Variants in TNRC6A observed in about 807,000 individuals in gnomAD.
TNRC6A encodes the protein trinucleotide repeat containing adaptor 6A.
In TNRC6A, 44 loss-of-function variants were observed where a neutral mutation model predicts 221.2. The observed-to-expected ratio is 0.20, with a 90% CI of 0.16 to 0.26. The LOEUF is 0.26. TNRC6A is among the 10% of genes least tolerant of loss of function. The probability of loss-of-function intolerance (pLI) is 1.00; values close to 1 mark genes in which losing one functional copy is unlikely to be tolerated. For synonymous variants in TNRC6A, 847 were observed against 838.5 expected (o/e 1.01, Z -0.18); for missense variants, 2,199 against 2,404.4 (o/e 0.91, Z 1.79).
chr16:24,778,549 A>G (rs2057774349), intron 5 of TNRC6A: 1 of 953,548 alleles, frequency 1.0e-6, no homozygotes, highest in Non-Finnish European at 1.2e-6. Context: ...TTTACTTGCT[A>G]ATTTCCCAGC....
At chr16:24,686,378 C>G (rs1263539964) in intron 2 of TNRC6A, among the ~76,000 whole-genome samples, 2 of 152,128 alleles carry the variant, frequency 1.3e-5, no homozygotes, top group East Asian at 3.9e-4. Context: ...TGGAATCCAG[C>G]CTGGAATCCT....
intron 18 of TNRC6A, among the ~76,000 whole-genome samples, chr16:24,813,552 G>GT (rs1294203417): frequency 6.6e-6 from 1 of 152,284 alleles, no homozygotes; most frequent in East Asian, 1.9e-4. Flanking sequence ...GAGGATGAAT[G>GT]AGACGATGCA....
At chr16:24,784,388 A>G (rs879930769) in intron 5 of TNRC6A, among the ~76,000 whole-genome samples, 1 of 152,154 alleles carries the variant, frequency 6.6e-6, no homozygotes, top group Non-Finnish European at 1.5e-5. Context: ...CAGTGGTGCA[A>G]TCACAACTCA....
intron 2 of TNRC6A, chr16:24,671,054 G>C (rs749982396): frequency 1.4e-5 from 5 of 363,778 alleles, no homozygotes; most frequent in African/African-American, 8.5e-5. Context: ...GCAACCCTCC[G>C]ACAGCACTGC....
chr16:24,763,973 T>C (rs565110606), intron 4 of TNRC6A, among the ~76,000 whole-genome samples: 1 of 152,342 alleles, frequency 6.6e-6, no homozygotes, highest in South Asian at 2.1e-4. Context: ...TAACCCTGTT[T>C]TTTTGGTAGA....
intron 5 of TNRC6A, among the ~76,000 whole-genome samples, chr16:24,781,609 T>C (rs2057847664): frequency 6.6e-6 from 1 of 152,152 alleles, no homozygotes; most frequent in Non-Finnish European, 1.5e-5. Context: ...CTTCTGGAAG[T>C]CTTCAGCTGA....
intron 2 of TNRC6A, among the ~76,000 whole-genome samples, chr16:24,723,266 A>T (rs896158121): frequency 2.0e-5 from 3 of 152,044 alleles, no homozygotes; most frequent in Admixed American, 6.6e-5. Flanking sequence ...AAATGACTGC[A>T]GTGTTTTTGG....
At chr16:24,766,597 G>A (rs1465175446) in intron 4 of TNRC6A, among the ~76,000 whole-genome samples, 2 of 151,940 alleles carry the variant, frequency 1.3e-5, no homozygotes, top group Non-Finnish European at 2.9e-5. Context: ...AATTTGGCAG[G>A]CCAAAATTGG....
chr16:24,791,094 C>G lies in TNRC6A; in HGVS notation c.2452C>G (p.Gln818Glu). The change falls in exon 6 of 25, where the codon CAG (glutamine) becomes GAG (glutamate). Residue 818 changes from glutamine to glutamate, a missense_variant. By Grantham distance (29) the Gln-to-Glu change is conservative. Around this residue, in one of 8 missense-constraint regions of TNRC6A, gnomAD observed 1,405 missense variants for 1,400.2 expected, o/e 1.00. Coordinates refer to ENST00000395799, the MANE Select transcript of TNRC6A (RefSeq NM_014494.4). ...TGCTACAGGAATGGTCAAGAGCAAT[C>G]AGTGGGGGAATTGCAAAGAGGAGAA... ...SAATGMVKSN[Q>E]WGNCKEEKAA... is the part of the protein sequence containing the mutation. 1.2e-6 allele frequency: 2 copies of G among 1,612,624 alleles called. No individual in the cohort carries two copies. Among genetic ancestry groups the G allele is most frequent in the South Asian group, 1.1e-5 (1 of 90,736 alleles).
chr16:24,725,508 C>T (rs1248112660), upstream of TNRC6A, among the ~76,000 whole-genome samples: 4 of 151,956 alleles, frequency 2.6e-5, no homozygotes, highest in African/African-American at 9.7e-5. Context: ...ATAAATGTAA[C>T]CCTCCAGCCT....
At chr16:24,692,308 C>T (rs113061146) in intron 2 of TNRC6A, among the ~76,000 whole-genome samples, 33 of 152,290 alleles carry the variant, frequency 2.2e-4, no homozygotes, top group East Asian at 2.1e-3. Flanking sequence ...TGGTGGCTCA[C>T]ACCTGTAATC....
intron 2 of TNRC6A, among the ~76,000 whole-genome samples, chr16:24,736,489 T>C (rs1161940383): frequency 6.6e-6 from 1 of 152,230 alleles, no homozygotes; most frequent in Non-Finnish European, 1.5e-5. Context: ...TTGCATTTAG[T>C]TGTGTCTGAA....
At position 24,729,668 on chromosome 16, in the gene TNRC6A, T is replaced by TGCGGCGGCGGCGGCGGCG. The variant is rs1196544740; in HGVS notation, c.-161_-160insCGGCGGCGGCGGCGGCGG. 1 of 646,010 alleles carries TGCGGCGGCGGCGGCGGCG rather than the reference T, an allele frequency of 1.5e-6. No individual in the cohort carries two copies. The highest frequency in any genetic ancestry group is 2.0e-5 in the African/African-American group (1 of 49,146). 40.0% of individuals were successfully genotyped at this position (646,010 alleles called of 1,614,324 possible). ...GGGCATTCACTTCCGGTCTGGGGCC[T>TGCGGCGGCGGCGGCGGCG]GCGGCGGCGGCGGTGTCGGCGGCGG... is the stretch of plus-strand genomic sequence containing the variant. On this transcript the variant is annotated 5_prime_UTR_variant, in exon 1 of 25. Coordinates refer to ENST00000395799, the MANE Select transcript of TNRC6A (RefSeq NM_014494.4).
rs747892750 is a variant in TNRC6A, at chr16:24,791,015, G to A, written c.2373G>A (p.Arg791=). The change falls in exon 6 of 25, where the codon AGG becomes AGA. Residue 791 remains arginine, a synonymous_variant. Transcript: ENST00000395799. ...SGWGDPKPAL[R]WGDSKGSNCQ... ...GGGGCGATCCCAAACCTGCTCTGAG[G>A]TGGGGAGATTCCAAAGGCTCAAACT... 2 of 1,592,348 alleles carry A rather than the reference G, an allele frequency of 1.3e-6. No homozygotes were observed. The highest frequency in any genetic ancestry group is 1.3e-5 in the African/African-American group (1 of 74,524).
chr16:24,654,530 C>A (rs898383032), intron 2 of TNRC6A, among the ~76,000 whole-genome samples: 2 of 152,000 alleles, frequency 1.3e-5, no homozygotes, highest in Admixed American at 1.3e-4. Context: ...CATGGTGAAA[C>A]CCCGTCTATA....
chr16:24,720,201 A>C (rs2151085526), intron 2 of TNRC6A, among the ~76,000 whole-genome samples: 1 of 152,308 alleles, frequency 6.6e-6, no homozygotes, highest in South Asian at 2.1e-4. Flanking sequence ...CAGAAAAATT[A>C]CCACTCTGGC....
At chr16:24,791,948 A>T (rs1220205986) in intron 6 of TNRC6A, 131 bp downstream of exon 6, 3 of 999,826 alleles carry the variant, frequency 3.0e-6, no homozygotes, top group Admixed American at 3.7e-5. Context: ...GAAAAAAATT[A>T]TAGGGGTGAT....
At chr16:24,763,364 C>G (rs1041250236) in intron 4 of TNRC6A, among the ~76,000 whole-genome samples, 3 of 152,160 alleles carry the variant, frequency 2.0e-5, no homozygotes, top group Non-Finnish European at 4.4e-5. Context: ...TCCAGTATGC[C>G]TGTTGACCAG....
intron 2 of TNRC6A, among the ~76,000 whole-genome samples, chr16:24,700,515 G>T (rs8052525): frequency 0.46 from 70,352 of 151,812 alleles, 17,548 homozygotes; most frequent in African/African-American, 0.66. Flanking sequence ...GGGATTATAG[G>T]CATGAGCCAC....
Sources: allele counts gnomAD v4.1 joint callset (sites outside exome capture counted in the v4.1 genomes callset), GRCh38; gene constraint gnomAD v4.1.1; regional missense constraint gnomAD v4.1.1; transcripts MANE v1.5; gene names NCBI Gene and HGNC (gene_info 2026-07-23, HGNC 2026-07-21).